Variants in MAP3K5 observed in about 807,000 individuals in gnomAD.
MAP3K5 encodes ASK-1.
A neutral mutation model predicts 158.7 loss-of-function variants in MAP3K5; 56 were observed. The ratio of observed to expected loss-of-function variants is 0.35; its 90% CI spans 0.28 to 0.44. The LOEUF (loss-of-function observed/expected upper bound fraction) is 0.44, where lower values mean the gene tolerates loss of function less well. Ranked by LOEUF, MAP3K5 falls within the 20% of genes least tolerant of loss-of-function variation. The probability of loss-of-function intolerance (pLI) is 1.00; values close to 1 mark genes in which losing one functional copy is unlikely to be tolerated. For missense variants in MAP3K5, 1,294 were observed against 1,674.8 expected (o/e 0.77, Z 3.97); for synonymous variants, 579 against 601.7 (o/e 0.96, Z 0.55).
intron 9 of MAP3K5, 45 bp from the exon 10 acceptor site, chr6:136,656,505 C>A: frequency 8.2e-7 from 1 of 1,224,292 alleles, no homozygotes; most frequent in African/African-American, 1.5e-5. Context: ...AAATTTAGAA[C>A]CACCTGTTCC....
chr6:136,598,732 C>T (rs987852004), intron 21 of MAP3K5, among the ~76,000 whole-genome samples: 1 of 152,118 alleles, frequency 6.6e-6, no homozygotes, highest in Admixed American at 6.5e-5. Context: ...GTGCTCTGGA[C>T]AGAAACACAT....
intron 15 of MAP3K5, among the ~76,000 whole-genome samples, chr6:136,618,775 T>A (rs1583282390): frequency 6.6e-6 from 1 of 152,362 alleles, no homozygotes; most frequent in African/African-American, 2.4e-5. Context: ...TAAGAATCCA[T>A]AATCATGTCT....
chr6:136,592,073 T>C, intron 23 of MAP3K5, 100 bp downstream of exon 23: 1 of 1,098,196 alleles, frequency 9.1e-7, no homozygotes. Flanking sequence ...TCACTACAGG[T>C]TCCTCTTGCC....
chr6:136,666,369 A>G (rs1246085841), intron 8 of MAP3K5, among the ~76,000 whole-genome samples: 2 of 152,222 alleles, frequency 1.3e-5, no homozygotes, highest in Non-Finnish European at 2.9e-5. Flanking sequence ...TACCCTTTAT[A>G]AATAAATCAA....
chr6:136,639,728 C>A, intron 12 of MAP3K5, 90 bp from the exon 13 acceptor site: 1 of 635,382 alleles, frequency 1.6e-6, no homozygotes, highest in Non-Finnish European at 2.7e-6. Context: ...AAATTCAATC[C>A]CATTTATATC....
At chr6:136,600,636 G>C (rs764225588) in intron 21 of MAP3K5, among the ~76,000 whole-genome samples, 14 of 152,086 alleles carry the variant, frequency 9.2e-5, no homozygotes, top group Non-Finnish European at 1.9e-4. Flanking sequence ...ACTAAAAATA[G>C]AATGTATCAC....
intron 21 of MAP3K5, among the ~76,000 whole-genome samples, chr6:136,600,784 T>C (rs1368714464): frequency 6.6e-6 from 1 of 152,042 alleles, no homozygotes; most frequent in African/African-American, 2.4e-5. Flanking sequence ...CCATCTTGCT[T>C]TTAGGGAGAA....
intron 1 of MAP3K5, among the ~76,000 whole-genome samples, chr6:136,744,818 T>C (rs1324765441): frequency 6.6e-6 from 1 of 152,186 alleles, no homozygotes; most frequent in Non-Finnish European, 1.5e-5. Flanking sequence ...CCTAATTTAC[T>C]TGGTCTGGGG....
intron 20 of MAP3K5, 46 bp downstream of exon 20, chr6:136,601,756 A>G: frequency 6.4e-7 from 1 of 1,559,206 alleles, no homozygotes; most frequent in Non-Finnish European, 8.7e-7. Flanking sequence ...TTAAAAGCTT[A>G]GGATTGAAGG....
chr6:136,752,661 CTCGGCCTCCCAGAGTGCTGGGATTA>C (rs909770164), intron 1 of MAP3K5, among the ~76,000 whole-genome samples: 3 of 152,342 alleles, frequency 2.0e-5, no homozygotes, highest in East Asian at 1.9e-4. Context: ...ATCCGCCCTC[CTCGGCCTCCCAGAGTGCTGGGATTA>C]TGGGTGTGAG....
At chr6:136,598,983 C>A (rs1775753792) in intron 21 of MAP3K5, among the ~76,000 whole-genome samples, 1 of 152,054 alleles carries the variant, frequency 6.6e-6, no homozygotes, top group African/African-American at 2.4e-5. Flanking sequence ...CCAGCCTGGC[C>A]AACATGGCGA....
At position 136,567,725 on chromosome 6, in the gene MAP3K5, C is replaced by T. The variant is rs766760055; in HGVS notation, c.3667G>A (p.Val1223Met). The T allele has an allele frequency of 4.2e-5, 68 of 1,613,936 alleles. No homozygotes were observed. Among genetic ancestry groups the T allele is most frequent in the East Asian group, 6.7e-5 (3 of 44,890 alleles). Residue 1223 changes from valine to methionine, a missense_variant, in exon 26 of 30, where the codon GTG becomes ATG. Coordinates refer to ENST00000359015, the MANE Select transcript of MAP3K5 (RefSeq NM_005923.4). ...GACACAGTAGAACTGAGCGTGCTCACGCCTGAGGTAGCCACAGCATCTTCA... is the reference window on the plus strand; with the variant it reads ...GACACAGTAGAACTGAGCGTGCTCATGCCTGAGGTAGCCACAGCATCTTCA... ...VIEDAVATSG[V>M]STLSSTVSHD...
intron 1 of MAP3K5, among the ~76,000 whole-genome samples, chr6:136,739,622 T>C (rs1157589907): frequency 2.0e-5 from 3 of 152,146 alleles, no homozygotes; most frequent in Non-Finnish European, 2.9e-5. Flanking sequence ...AAAAAGTCTG[T>C]AGTTAAAGAG....
At chr6:136,611,107 C>CAAAAAAAAAAAAAAAAAAAAAAAAAAAAA (rs59508317) in intron 18 of MAP3K5, among the ~76,000 whole-genome samples, 175 bp downstream of exon 18, 6 of 24,456 alleles carry the variant, frequency 2.5e-4, no homozygotes, top group Admixed American at 6.4e-4. Flanking sequence ...GACCCTGTCT[C>CAAAAAAAAAAAAAAAAAAAAAAAAAAAAA]AAAAAAAAAA....
At chr6:136,635,915 A>T (rs1332784729) in intron 14 of MAP3K5, among the ~76,000 whole-genome samples, 2 of 151,884 alleles carry the variant, frequency 1.3e-5, no homozygotes, top group African/African-American at 2.4e-5. Flanking sequence ...ATTATATTAA[A>T]TTTTTTTCTC....
chr6:136,792,362 C>A lies in MAP3K5; in HGVS notation c.-205G>T. On this transcript the variant is annotated 5_prime_UTR_variant, in exon 1 of 30. Transcript: ENST00000359015. This position sits in a 1 kb window ranked among gnomAD's most constrained non-coding sequence, Gnocchi z 5.7. ...CCGGCGGCGGCTCGCTCCTCCTCGGCGCCTCCGTGGCCGCGCCGCTCGCCC... is the reference window on the plus strand; with the variant it reads ...CCGGCGGCGGCTCGCTCCTCCTCGGAGCCTCCGTGGCCGCGCCGCTCGCCC... The A allele has an allele frequency of 1.0e-6, 1 of 1,002,510 alleles. No homozygotes were observed. The highest frequency in any genetic ancestry group is 1.2e-6 in the Non-Finnish European group (1 of 842,670). 62.1% of individuals were successfully genotyped at this position (1,002,510 alleles called of 1,614,324 possible).
At chr6:136,612,988 T>A in intron 17 of MAP3K5, 132 bp downstream of exon 17, 2 of 848,556 alleles carry the variant, frequency 2.4e-6, no homozygotes, top group South Asian at 2.0e-5. Flanking sequence ...CGATATTTTA[T>A]ATTTCTGCTG....
chr6:136,723,266 G>GA (rs1424082635), intron 1 of MAP3K5, among the ~76,000 whole-genome samples: 4 of 151,260 alleles, frequency 2.6e-5, no homozygotes, highest in African/African-American at 9.7e-5. Context: ...CAAAGAAAAA[G>GA]AAAAAAGTAG....
chr6:136,656,041 T>C, intron 10 of MAP3K5: 1 of 388,610 alleles, frequency 2.6e-6, no homozygotes, highest in Non-Finnish European at 4.8e-6. Context: ...GTCTTTGCAT[T>C]GCTTAGGAAG....
Sources: gnomAD v4.1 joint callset for allele counts (sites outside exome capture counted in the v4.1 genomes callset) on GRCh38, gnomAD v4.1.1 for gene constraint, Gnocchi (gnomAD v3.1) non-coding constraint, MANE v1.5 for transcripts, NCBI Gene and HGNC (gene_info 2026-07-23, HGNC 2026-07-21) for gene names.